STYX: variants seen among roughly 807,000 people sequenced by gnomAD.
The protein encoded by STYX is serine/threonine/tyrosine-interacting protein.
Under a neutral mutation model 42.7 loss-of-function variants are expected in STYX, and 20 were observed. The observed-to-expected ratio is 0.47, with a 90% confidence interval of 0.33 to 0.68. STYX has a LOEUF of 0.68. Among genes scored for constraint, STYX ranks in the 30% least tolerant of loss-of-function variants. The pLI, the probability that STYX is intolerant of heterozygous loss-of-function variation, is 0.02. For synonymous variants in STYX, 78 were observed against 81.9 expected (o/e 0.95, Z 0.26); for missense variants, 226 against 268.5 (o/e 0.84, Z 1.11).
chr14:52,730,378 C>T lies in STYX; in HGVS notation c.-97C>T, dbSNP rs534543740. ...CCGCCCTCCTGTCAGCCCTCCGCTC[C>T]GCCGGCCCTCCTTCCTTCCGCCGCC... is the stretch of plus-strand genomic sequence containing the variant. On this transcript the variant is annotated 5_prime_UTR_variant, in exon 1 of 11. Transcript: ENST00000354586. The T allele has an allele frequency of 3.1e-6, 4 of 1,310,478 alleles. No homozygotes were observed. Among genetic ancestry groups the T allele is most frequent in the African/African-American group, 1.5e-5 (1 of 68,708 alleles). The allele number at this position is 1,310,478 out of a possible 1,614,324, so 81.2% of individuals were successfully genotyped here.
Position 52,768,850 on chromosome 14 carries a change from C to T in STYX, c.515C>T (p.Ala172Val). 2 of 1,577,604 alleles carry T rather than the reference C, an allele frequency of 1.3e-6. No homozygotes were observed. Among genetic ancestry groups the T allele is most frequent in the South Asian group, 1.2e-5 (1 of 82,118 alleles). ...GFVHQLQEYEAIYLAKLTIQM... is the reference protein window; with the variant it reads ...GFVHQLQEYEVIYLAKLTIQM... ...TTATTTTTTTTTTAGGAATATGAAG[C>T]CATCTACCTAGCAAAATTAACAATA... The change falls in exon 10 of 11, where the codon GCC (alanine) becomes GTC (valine). Residue 172 changes from alanine to valine, a missense_variant. Ala to Val is a moderately conservative substitution (Grantham distance 64, BLOSUM62 0). Transcript: ENST00000354586.
chr14:52,749,528 A>G lies in STYX; in HGVS notation c.145-1155A>G, dbSNP rs549608649. Reference sequence around the variant, plus strand: ...TTGTTAGTTCATTTATTGAACAGGTAATTATTGAACAACTTAACTAGTTAT... The same window carrying G: ...TTGTTAGTTCATTTATTGAACAGGTGATTATTGAACAACTTAACTAGTTAT... On this transcript the variant is annotated intron_variant, in intron 3 of 10. Transcript: ENST00000354586. 9.8e-5 allele frequency among the ~76,000 whole-genome samples: 15 copies of G among 152,292 alleles called. No homozygotes were observed. The South Asian group carries it at 3.1e-3, about 32-fold the overall frequency.
intron 4 of STYX, among the ~76,000 whole-genome samples, chr14:52,754,368 A>G (rs1881765544): frequency 1.3e-5 from 2 of 149,002 alleles, no homozygotes; most frequent in Admixed American, 1.3e-4. Context: ...GCACCACCGG[A>G]TCGGGCTAAT....
chr14:52,743,942 C>A (rs1881298769), intron 1 of STYX, among the ~76,000 whole-genome samples: 1 of 152,150 alleles, frequency 6.6e-6, no homozygotes, highest in African/African-American at 2.4e-5. Flanking sequence ...CCACCTCAGC[C>A]TCCTGTGTAG....
At chr14:52,733,254 T>G (rs1032939906) in intron 1 of STYX, among the ~76,000 whole-genome samples, 1 of 152,238 alleles carries the variant, frequency 6.6e-6, no homozygotes, top group African/African-American at 2.4e-5. Flanking sequence ...GTGTATATCA[T>G]TATGTATGCC....
Position 52,730,447 on chromosome 14 carries a change from C to T in STYX, c.-28C>T. 6.2e-7 allele frequency: 1 copy of T among 1,612,194 alleles called. No individual in the cohort carries two copies. The highest frequency in any genetic ancestry group is 1.7e-4 in the Middle Eastern group (1 of 6,058). On this transcript the variant is annotated 5_prime_UTR_variant, in exon 1 of 11. Coordinates refer to ENST00000354586, the MANE Select transcript of STYX (RefSeq NM_145251.4). ...GGCCGGCTGTGTAACACTCTCCCAC[C>T]CCACCCACCAGCCCGCGGGCCAGCA...
intron 7 of STYX, 29 bp from the exon 8 acceptor site, chr14:52,757,845 T>G: frequency 6.2e-7 from 1 of 1,613,070 alleles, no homozygotes; most frequent in Non-Finnish European, 8.5e-7. Flanking sequence ...ATTTTCTGGT[T>G]GTTTTTAAAA....
At position 52,759,720 on chromosome 14, in the gene STYX, T is replaced by A; in HGVS notation, c.470T>A (p.Ile157Asn). 1.2e-6 allele frequency: 2 copies of A among 1,612,026 alleles called. No homozygotes were observed. The highest frequency in any genetic ancestry group is 8.5e-7 in the Non-Finnish European group (1 of 1,178,938). ...FAYVQERRFC[I>N]NPNAGFVHQL... ...TATGTTCAAGAAAGAAGATTTTGTATTAATCCTAATGCTGGATTTGTCCAT... is the reference window on the plus strand; with the variant it reads ...TATGTTCAAGAAAGAAGATTTTGTAATAATCCTAATGCTGGATTTGTCCAT... The change falls in exon 9 of 11, where the codon ATT becomes AAT. Residue 157 changes from isoleucine (I) to asparagine (N), a missense_variant. Coordinates refer to ENST00000354586, the MANE Select transcript of STYX (RefSeq NM_145251.4).
chr14:52,739,976 A>G (rs938529708), intron 1 of STYX, among the ~76,000 whole-genome samples: 2 of 151,948 alleles, frequency 1.3e-5, no homozygotes, highest in African/African-American at 4.8e-5. Context: ...ACCATAACAC[A>G]TTGGTAAGTT....
chr14:52,730,479 A>C lies in STYX; in HGVS notation c.5A>C (p.Glu2Ala). 3.1e-6 allele frequency: 5 copies of C among 1,613,602 alleles called. No homozygotes were observed. Among genetic ancestry groups the C allele is most frequent in the Non-Finnish European group, 3.4e-6 (4 of 1,179,822 alleles). Reference protein sequence around the residue: MEDVKLEFPSLP... With the variant: MADVKLEFPSLP... ...ACCAGCCCGCGGGCCAGCACCATGGAGGACGTGAAGCTGGAGTTCCCTTCC... is the reference window on the plus strand; with the variant it reads ...ACCAGCCCGCGGGCCAGCACCATGGCGGACGTGAAGCTGGAGTTCCCTTCC... Residue 2 changes from glutamate (E) to alanine (A), a missense_variant, in exon 1 of 11, where the codon GAG becomes GCG. Physicochemically the swap from Glu to Ala is moderately radical, Grantham distance 107. Coordinates refer to ENST00000354586, the MANE Select transcript of STYX (RefSeq NM_145251.4).
intron 3 of STYX, among the ~76,000 whole-genome samples, chr14:52,747,198 G>A (rs1277190154): frequency 1.3e-5 from 2 of 152,136 alleles, no homozygotes; most frequent in Non-Finnish European, 2.9e-5. Flanking sequence ...GTTAAAATAG[G>A]TAGATCTCAT....
chr14:52,751,001 T>C (rs1291050948), intron 4 of STYX, among the ~76,000 whole-genome samples: 1 of 152,050 alleles, frequency 6.6e-6, no homozygotes, highest in East Asian at 1.9e-4. Context: ...TCTGGGAAAG[T>C]AAAAATAAAA....
chr14:52,730,250 C>T lies in STYX; in HGVS notation c.-225C>T. 1.8e-6 allele frequency: 1 copy of T among 569,468 alleles called. No homozygotes were observed. Among genetic ancestry groups the T allele is most frequent in the Non-Finnish European group, 3.1e-6 (1 of 318,606 alleles). The allele number at this position is 569,468 out of a possible 1,614,324, so 35.3% of individuals were successfully genotyped here. On this transcript the variant is annotated 5_prime_UTR_variant, in exon 1 of 11. Coordinates refer to ENST00000354586, the MANE Select transcript of STYX (RefSeq NM_145251.4). ...GGGGAGGGAGACGGCAGCGGCATGGCGGCCGGGTGTAAGACGCCCGACCCT... is the reference window on the plus strand; with the variant it reads ...GGGGAGGGAGACGGCAGCGGCATGGTGGCCGGGTGTAAGACGCCCGACCCT...
Position 52,756,618 on chromosome 14 carries a change from A to G in STYX, c.303+7A>G. ...AATACGTTTTTTCCCTATGGTAGGT[A>G]CCAGTATTTTTTAAATATCATTTAA... On this transcript the variant is annotated splice_region_variant and intron_variant, in intron 5 of 10. Transcript: ENST00000354586. 2 of 1,371,692 alleles carry G rather than the reference A, an allele frequency of 1.5e-6. No individual in the cohort carries two copies. The highest frequency in any genetic ancestry group is 2.0e-6 in the Non-Finnish European group (2 of 1,003,064). The allele number at this position is 1,371,692 out of a possible 1,614,324, so 85.0% of individuals were successfully genotyped here.
At chr14:52,755,684 T>TG (rs1491165471) in intron 4 of STYX, among the ~76,000 whole-genome samples, 5 of 23,228 alleles carry the variant, frequency 2.2e-4, no homozygotes, top group African/African-American at 6.8e-4. Flanking sequence ...TCTCAGCTAG[T>TG]TTTTTTTTTT....
intron 3 of STYX, 64 bp from the exon 4 acceptor site, chr14:52,750,619 A>G (rs3783446): frequency 0.099 from 101,982 of 1,031,472 alleles, 5,656 homozygotes; most frequent in East Asian, 0.15. Flanking sequence ...ATATAGTAAG[A>G]TGATGTTTGA....
intron 1 of STYX, among the ~76,000 whole-genome samples, chr14:52,740,220 G>A (rs564785336): frequency 6.4e-4 from 97 of 152,128 alleles, no homozygotes; most frequent in Non-Finnish European, 1.1e-3. Flanking sequence ...AGGTTGCAGT[G>A]AGCTGAGATC....
chr14:52,770,947 C>A, intron 10 of STYX, 86 bp from the exon 11 acceptor site: 1 of 1,211,276 alleles, frequency 8.3e-7, no homozygotes, highest in Non-Finnish European at 1.2e-6. Flanking sequence ...TATACATGAT[C>A]ACTTAATAAC....
chr14:52,730,496 T>A lies in STYX; in HGVS notation c.22T>A (p.Phe8Ile). The A allele has an allele frequency of 6.2e-7, 1 of 1,613,318 alleles. No individual in the cohort carries two copies. Among genetic ancestry groups the A allele is most frequent in the Non-Finnish European group, 8.5e-7 (1 of 1,179,768 alleles). The change falls in exon 1 of 11, where the codon TTC becomes ATC. Residue 8 changes from phenylalanine (F) to isoleucine (I), a missense_variant. Phe to Ile is a conservative substitution (Grantham distance 21). Transcript: ENST00000354586. MEDVKLEFPSLPQCKEDA... is the reference protein window; with the variant it reads MEDVKLEIPSLPQCKEDA... ...CACCATGGAGGACGTGAAGCTGGAG[T>A]TCCCTTCCCTTCCACAGTGCAAGGA...
Sources: gnomAD v4.1 joint callset for allele counts (sites outside exome capture counted in the v4.1 genomes callset) on GRCh38, gnomAD v4.1.1 for gene constraint, MANE v1.5 for transcripts, NCBI Gene and HGNC (gene_info 2026-07-23, HGNC 2026-07-21) for gene names.